RALGAPA2: variants seen among roughly 807,000 people sequenced by gnomAD.
RALGAPA2 encodes the protein Ral GTPase activating protein catalytic subunit alpha 2, also known as ral GTPase-activating protein subunit alpha-2.
A neutral mutation model predicts 230.4 loss-of-function variants in RALGAPA2; 139 were observed. The ratio of observed to expected loss-of-function variants is 0.60; its 90% confidence interval spans 0.53 to 0.69. The LOEUF is 0.69. Ranked by LOEUF, RALGAPA2 falls within the 30% of genes least tolerant of loss-of-function variation. The pLI is 0.00. For missense variants in RALGAPA2, 2,163 were observed against 2,276.0 expected (o/e 0.95, Z 1.01); for synonymous variants, 847 against 837.8 (o/e 1.01, Z -0.19).
At chr20:20,582,596 G>A (rs2065020478) in intron 20 of RALGAPA2, among the ~76,000 whole-genome samples, 1 of 152,110 alleles carries the variant, frequency 6.6e-6, no homozygotes, top group African/African-American at 2.4e-5. Context: ...AAGATAATGG[G>A]AGAAGGGGAG....
chr20:20,513,874 C>A (rs1191094220), intron 31 of RALGAPA2, among the ~76,000 whole-genome samples: 1 of 152,202 alleles, frequency 6.6e-6, no homozygotes, highest in Non-Finnish European at 1.5e-5. Flanking sequence ...CAACTGCAGG[C>A]TTGGGGTGGG....
chr20:20,394,578 C>T (rs1279700225), intron 39 of RALGAPA2, among the ~76,000 whole-genome samples: 4 of 151,880 alleles, frequency 2.6e-5, no homozygotes, highest in Non-Finnish European at 5.9e-5. Context: ...GTCAAGGCTG[C>T]AGTGATGGCT....
rs1365014489 is a variant in RALGAPA2, at chr20:20,590,028, GTATAA to G, written c.2342-668_2342-664del. 1.9e-3 allele frequency among the ~76,000 whole-genome samples: 280 copies of G among 150,844 alleles called. 2 individuals are homozygous for G. Among genetic ancestry groups the G allele is most frequent in the African/African-American group, 6.3e-3 (260 of 41,286 alleles). ...TATAAAAATTATATTAATATAATATGTATAATATATTGTTTTGAAATATGTGTATA... is the reference window on the plus strand; with the variant it reads ...TATAAAAATTATATTAATATAATATGTATATTGTTTTGAAATATGTGTATA... On this transcript the variant is annotated intron_variant, in intron 17 of 39. Coordinates refer to ENST00000202677, the MANE Select transcript of RALGAPA2 (RefSeq NM_020343.4).
chr20:20,652,353 C>T lies in RALGAPA2; in HGVS notation c.328+1177G>A, dbSNP rs187047660. The stretch of plus-strand genomic sequence containing the variant: ...TCAAAGTTACCTCTCTTGAAGCCTT[C>T]CTCAATTCCTCTGAACAGAATTATT... On this transcript the variant is annotated intron_variant, in intron 4 of 39. Transcript: ENST00000202677. 1.2e-3 allele frequency among the ~76,000 whole-genome samples: 179 copies of T among 152,256 alleles called. 1 individual carries two copies. The highest frequency in any genetic ancestry group is 1.8e-3 in the Admixed American group (27 of 15,292).
intron 20 of RALGAPA2, among the ~76,000 whole-genome samples, chr20:20,579,119 T>C (rs1294104624): frequency 2.6e-5 from 4 of 152,018 alleles, no homozygotes; most frequent in African/African-American, 9.7e-5. Flanking sequence ...AAAGCAGAAG[T>C]GGCAAAAAAA....
At chr20:20,486,545 G>A (rs555387256) in intron 36 of RALGAPA2, among the ~76,000 whole-genome samples, 11 of 151,936 alleles carry the variant, frequency 7.2e-5, no homozygotes, top group Non-Finnish European at 1.3e-4. Context: ...CTTCTTTTTT[G>A]GTTTCCTGTG....
intron 1 of RALGAPA2, among the ~76,000 whole-genome samples, chr20:20,685,467 A>G (rs1271240613): frequency 1.3e-5 from 2 of 152,182 alleles, no homozygotes; most frequent in Non-Finnish European, 2.9e-5. Context: ...CCATAGCCCA[A>G]TGAAATAGAT....
chr20:20,540,562 C>T (rs766511726), intron 24 of RALGAPA2, among the ~76,000 whole-genome samples: 8 of 152,078 alleles, frequency 5.3e-5, no homozygotes, highest in Non-Finnish European at 1.2e-4. Context: ...TTCATCCTTT[C>T]TGAATTTTTT....
At chr20:20,523,207 T>C (rs1377575391) in intron 30 of RALGAPA2, among the ~76,000 whole-genome samples, 20 of 152,064 alleles carry the variant, frequency 1.3e-4, no homozygotes, top group Admixed American at 1.3e-3. Context: ...ACAACCAAGG[T>C]TTGAGAGACA....
chr20:20,692,910 T>C (rs532259890), intron 1 of RALGAPA2, among the ~76,000 whole-genome samples: 1 of 152,328 alleles, frequency 6.6e-6, no homozygotes, highest in Non-Finnish European at 1.5e-5. Flanking sequence ...TCTTATTACT[T>C]GCTTATATTT....
At position 20,390,945 on chromosome 20, in the gene RALGAPA2, A is replaced by G. The variant is rs2059592764; in HGVS notation, c.*2344T>C. 1 of 152,206 alleles carries G rather than the reference A, an allele frequency of 6.6e-6. No individual in the cohort carries two copies. Among genetic ancestry groups the G allele is most frequent in the African/African-American group, 2.4e-5 (1 of 41,436 alleles). The allele number at this position is 152,206 out of a possible 1,614,324, so 9.4% of individuals were successfully genotyped here. On this transcript the variant is annotated 3_prime_UTR_variant, in exon 40 of 40. Coordinates refer to ENST00000202677, the MANE Select transcript of RALGAPA2 (RefSeq NM_020343.4). ...AGGGTTGAGTTATTTGCTGCCTACA[A>G]TTGAATTTCCCACCCCAAGGTAGGG...
At chr20:20,605,145 T>C in intron 15 of RALGAPA2, 30 bp downstream of exon 15, 1 of 1,537,802 alleles carries the variant, frequency 6.5e-7, no homozygotes, top group Admixed American at 1.8e-5. Flanking sequence ...GTCCTAGACA[T>C]CTGGTGTTAA....
At chr20:20,583,469 C>G (rs921532176) in intron 19 of RALGAPA2, among the ~76,000 whole-genome samples, 20 of 152,158 alleles carry the variant, frequency 1.3e-4, no homozygotes, top group Non-Finnish European at 2.5e-4. Flanking sequence ...ATGTATCATT[C>G]AAGTGGCACT....
intron 27 of RALGAPA2, among the ~76,000 whole-genome samples, chr20:20,531,019 TC>T (rs2063353894): frequency 6.6e-6 from 1 of 152,152 alleles, no homozygotes; most frequent in Non-Finnish European, 1.5e-5. Flanking sequence ...CTGTGAAAGT[TC>T]AAGCATGTCT....
At chr20:20,458,469 A>AATATATTATATATGTATTTTATATATATT (rs2061181204) in intron 37 of RALGAPA2, among the ~76,000 whole-genome samples, 1 of 109,326 alleles carries the variant, frequency 9.1e-6, no homozygotes, top group South Asian at 2.5e-4. Context: ...TATTTTATAT[A>AATATATTATATATGTATTTTATATATATT]ATATATAATA....
At chr20:20,662,302 TA>T (rs11479237) in intron 3 of RALGAPA2, among the ~76,000 whole-genome samples, 13,229 of 145,840 alleles carry the variant, frequency 0.091, 866 homozygotes, top group African/African-American at 0.18. Flanking sequence ...ACACTCAAGT[TA>T]AAAAAAAAAA....
intron 37 of RALGAPA2, among the ~76,000 whole-genome samples, chr20:20,456,539 A>G (rs758578542): frequency 1.2e-4 from 19 of 152,198 alleles, no homozygotes; most frequent in Non-Finnish European, 2.4e-4. Flanking sequence ...TAGTTCTGAG[A>G]CTTCCAAAGT....
Position 20,640,754 on chromosome 20 carries a change from CT to C in RALGAPA2, c.496del (p.Arg166GlyfsTer16). On this transcript the variant is annotated frameshift_variant, in exon 6 of 40. Coordinates refer to ENST00000202677, the MANE Select transcript of RALGAPA2 (RefSeq NM_020343.4). LOFTEE classifies it high-confidence loss of function. ...GAGTGTCTCCAGTGTGCAAGGGCCC[CT>C]GGATGACATGACTGCTGGGAAACCA... ...VPGFPAVMSS[R>X]GPCTLETLIN... The C allele has an allele frequency of 1.2e-6, 2 of 1,613,970 alleles. No individual in the cohort carries two copies. Among genetic ancestry groups the C allele is most frequent in the Non-Finnish European group, 1.7e-6 (2 of 1,179,854 alleles).
intron 34 of RALGAPA2, 124 bp from the exon 35 acceptor site, chr20:20,503,630 A>ATTTGTTTGT: frequency 2.7e-6 from 2 of 753,008 alleles, no homozygotes; most frequent in Non-Finnish European, 3.7e-6. Context: ...TTCTGATTAC[A>ATTTGTTTGT]AACAAATGTA....
Sources: gnomAD v4.1 joint callset for allele counts (sites outside exome capture counted in the v4.1 genomes callset) on GRCh38, gnomAD v4.1.1 for gene constraint, MANE v1.5 for transcripts, NCBI Gene and HGNC (gene_info 2026-07-23, HGNC 2026-07-21) for gene names.